Variants in ADGRV1 observed in about 807,000 individuals in gnomAD.
ADGRV1 encodes the protein G-protein coupled receptor 98.
Under a neutral mutation model 596.2 loss-of-function variants are expected in ADGRV1, and 359 were observed. The ratio of observed to expected loss-of-function variants is 0.60; its 90% CI spans 0.55 to 0.66. The LOEUF (loss-of-function observed/expected upper bound fraction) is 0.66, where lower values mean the gene tolerates loss of function less well. Among genes scored for constraint, ADGRV1 ranks in the 30% least tolerant of loss-of-function variants. The probability of loss-of-function intolerance (pLI) is 0.00; values close to 1 mark genes in which losing one functional copy is unlikely to be tolerated. For missense variants in ADGRV1, 7,274 were observed against 7,575.6 expected (o/e 0.96, Z 1.48); for synonymous variants, 2,681 against 2,679.2 (o/e 1.00, Z -0.02).
At chr5:90,744,900 T>C in intron 50 of ADGRV1, 146 bp from the exon 51 acceptor site, 1 of 631,116 alleles carries the variant, frequency 1.6e-6, no homozygotes, top group Admixed American at 2.6e-5. Context: ...GTCCAGTTAT[T>C]TCAGAAATTG....
At chr5:90,953,192 A>G (rs1777192371) in intron 83 of ADGRV1, among the ~76,000 whole-genome samples, 2 of 152,190 alleles carry the variant, frequency 1.3e-5, no homozygotes, top group Non-Finnish European at 2.9e-5. Context: ...AGAGAATAGC[A>G]AAAAGAGAAC....
In ADGRV1 at chr5:90,727,923, TA is replaced by T. The variant is rs1387880812; in HGVS notation, c.10162-745del. On this transcript the variant is annotated intron_variant, in intron 48 of 89. Transcript: ENST00000405460. ...TTTCCCAAATACCTTCATAATTCTC[TA>T]TCAGACCATCCTAATTGTCATCTTC... 1.2e-4 allele frequency among the ~76,000 whole-genome samples: 18 copies of T among 152,364 alleles called. No individual in the cohort carries two copies. In the South Asian group the frequency reaches 2.7e-3, roughly 23 times the overall value.
chr5:90,648,849 G>A lies in ADGRV1; in HGVS notation c.3289+1085G>A, dbSNP rs1209093981. ...CAATTTCACAATTGCAAAAAACATCGTCAGATCTTACGTAGACTAAAAACA... is the reference window on the plus strand; with the variant it reads ...CAATTTCACAATTGCAAAAAACATCATCAGATCTTACGTAGACTAAAAACA... On this transcript the variant is annotated intron_variant, in intron 17 of 89. Coordinates refer to ENST00000405460, the MANE Select transcript of ADGRV1 (RefSeq NM_032119.4). Among the ~76,000 whole-genome samples the A allele has an allele frequency of 5.3e-5, 8 of 152,236 alleles. No homozygotes were observed. The South Asian group carries it at 1.5e-3, about 28-fold the overall frequency.
At chr5:90,916,264 ATAAT>A (rs1773343384) in intron 83 of ADGRV1, among the ~76,000 whole-genome samples, 1 of 152,158 alleles carries the variant, frequency 6.6e-6, no homozygotes, top group Non-Finnish European at 1.5e-5. Context: ...ATTTAATATA[ATAAT>A]TTTTCATTTC....
intron 1 of ADGRV1, among the ~76,000 whole-genome samples, chr5:90,609,776 G>A (rs1431843628): frequency 2.0e-5 from 3 of 151,980 alleles, no homozygotes; most frequent in Admixed American, 2.0e-4. Flanking sequence ...CATTGACAAG[G>A]TAAAAGATGA....
rs150609011 is a variant in ADGRV1, at chr5:90,970,706, C to T, written c.17973+5175C>T. On this transcript the variant is annotated intron_variant, in intron 84 of 89. Transcript: ENST00000405460. ...CATCCACATCAAAACCCCATCTGTA[C>T]GTCACCATCATCAAAGACCAAAGGT... 8.5e-3 allele frequency among the ~76,000 whole-genome samples: 1,289 copies of T among 152,154 alleles called. 13 individuals carry two copies. Among genetic ancestry groups the T allele is most frequent in the African/African-American group, 0.03 (1,240 of 41,496 alleles).
rs184398495 is a variant in ADGRV1, at chr5:90,865,645, C to G, written c.17856+1788C>G. Among the ~76,000 whole-genome samples the G allele has an allele frequency of 1.6e-4, 24 of 152,112 alleles. No homozygotes were observed. In the East Asian group the frequency reaches 4.4e-3, roughly 28 times the overall value. On this transcript the variant is annotated intron_variant, in intron 83 of 89. Transcript: ENST00000405460. ...TAACTAAAAAAGTATTTTCATAGCT[C>G]TTTTTTGGCAGGAAGAATTGGTATG... is the stretch of plus-strand genomic sequence containing the variant.
intron 1 of ADGRV1, among the ~76,000 whole-genome samples, chr5:90,569,721 T>C (rs1263984604): frequency 2.0e-5 from 3 of 151,896 alleles, no homozygotes; most frequent in African/African-American, 7.2e-5. Flanking sequence ...TATTATATTC[T>C]TTTCATTAAT....
chr5:91,157,937 C>T (rs1286336493), intron 89 of ADGRV1, among the ~76,000 whole-genome samples: 1 of 152,186 alleles, frequency 6.6e-6, no homozygotes, highest in East Asian at 1.9e-4. Flanking sequence ...GAGGCACTGA[C>T]CTGGAGCGAT....
chr5:91,164,009 G>A lies in ADGRV1; in HGVS notation c.*109G>A. The A allele has an allele frequency of 1.4e-6, 1 of 708,270 alleles. No homozygotes were observed. The highest frequency in any genetic ancestry group is 2.6e-6 in the Non-Finnish European group (1 of 386,564). 43.9% of individuals were successfully genotyped at this position (708,270 alleles called of 1,614,324 possible). A position where few individuals can be genotyped will look rare whatever the true frequency, so the allele number is the denominator to read the frequency against. On this transcript the variant is annotated 3_prime_UTR_variant, in exon 90 of 90. Transcript: ENST00000405460. ...TAATAGGAACCTGTGAATTGTACTG[G>A]ATGATTAATACAAACGTGATTGTTG...
chr5:90,710,878 A>T, intron 39 of ADGRV1, 103 bp from the exon 40 acceptor site: 1 of 694,906 alleles, frequency 1.4e-6, no homozygotes, highest in Non-Finnish European at 2.5e-6. Flanking sequence ...ATACCTGTAC[A>T]TTATGAATTA....
rs774260833 is a variant in ADGRV1 at position 90,675,455 on chromosome 5, T to C, written c.5313+10T>C. On this transcript the variant is annotated intron_variant, in intron 24 of 89. Transcript: ENST00000405460. ...TCCTGAGGATTACCAGGTAATTTACTCAGTCCTTTTGAAGTTGTATTTGCA... is the reference window on the plus strand; with the variant it reads ...TCCTGAGGATTACCAGGTAATTTACCCAGTCCTTTTGAAGTTGTATTTGCA... 2.5e-6 allele frequency: 4 copies of C among 1,608,222 alleles called. No homozygotes were observed. In the South Asian group the frequency reaches 4.4e-5, roughly 18 times the overall value.
chr5:90,869,475 G>C (rs1469371336), intron 83 of ADGRV1, among the ~76,000 whole-genome samples: 7 of 152,084 alleles, frequency 4.6e-5, no homozygotes, highest in Admixed American at 4.6e-4. Context: ...GGCAATGAAG[G>C]ATTAAAGGAA....
intron 50 of ADGRV1, among the ~76,000 whole-genome samples, chr5:90,742,462 A>G (rs1429834739): frequency 1.3e-5 from 2 of 152,182 alleles, no homozygotes; most frequent in Non-Finnish European, 2.9e-5. Context: ...AAATACAGAC[A>G]GTAAGGGAAC....
intron 88 of ADGRV1, among the ~76,000 whole-genome samples, chr5:91,152,613 T>C (rs963784313): frequency 1.1e-4 from 16 of 152,222 alleles, no homozygotes; most frequent in South Asian, 6.2e-4. Context: ...GACATAATTT[T>C]CTAAAGAATG....
intron 2 of ADGRV1, among the ~76,000 whole-genome samples, chr5:90,615,362 G>A (rs144590084): frequency 5.9e-5 from 9 of 151,752 alleles, no homozygotes; most frequent in East Asian, 3.9e-4. Context: ...TAGAGAAAAC[G>A]TATGGAATAT....
chr5:91,007,870 T>C (rs968390550), intron 85 of ADGRV1, among the ~76,000 whole-genome samples: 5 of 152,206 alleles, frequency 3.3e-5, no homozygotes, highest in African/African-American at 1.2e-4. Flanking sequence ...CATATTCAAT[T>C]ATACTACTAA....
intron 1 of ADGRV1, among the ~76,000 whole-genome samples, chr5:90,604,286 C>A (rs535626888): frequency 6.6e-6 from 1 of 152,076 alleles, no homozygotes; most frequent in East Asian, 1.9e-4. Flanking sequence ...CATTAAATTC[C>A]CTCTTTTGCT....
chr5:90,753,325 G>A (rs974986029), intron 53 of ADGRV1, among the ~76,000 whole-genome samples: 1 of 150,208 alleles, frequency 6.7e-6, no homozygotes, highest in Non-Finnish European at 1.5e-5. Context: ...TCAGTCTCCA[G>A]TATTTGACAA....
Sources: allele counts gnomAD v4.1 joint callset (sites outside exome capture counted in the v4.1 genomes callset), GRCh38; gene constraint gnomAD v4.1.1; transcripts MANE v1.5; gene names NCBI Gene and HGNC (gene_info 2026-07-23, HGNC 2026-07-21).